SAMD3: variants seen among roughly 807,000 people sequenced by gnomAD.
SAMD3 encodes sterile alpha motif domain containing 3, also known as sterile alpha motif domain-containing protein 3.
Under a neutral mutation model 58.5 loss-of-function variants are expected in SAMD3, and 63 were observed. The observed-to-expected ratio is 1.08, with a 90% CI of 0.88 to 1.33. The LOEUF (loss-of-function observed/expected upper bound fraction) is 1.33. Ranked by LOEUF, SAMD3 falls within the 40% of genes most tolerant of loss-of-function variation. The pLI is 0.00. For synonymous variants in SAMD3, 220 were observed against 210.3 expected, an observed-to-expected ratio of 1.05 and a Z score of -0.40; for missense variants, 604 against 608.4, an observed-to-expected ratio of 0.99 and a Z score of 0.08.
At chr6:130,212,691 C>T (rs1440625849) in intron 4 of SAMD3, among the ~76,000 whole-genome samples, 1 of 152,174 alleles carries the variant, frequency 6.6e-6, no homozygotes, top group African/African-American at 2.4e-5. Flanking sequence ...CCAGCTAGTT[C>T]TCTTTTACTT....
At chr6:130,275,281 A>C (rs1206455123) in intron 2 of SAMD3, among the ~76,000 whole-genome samples, 2 of 152,106 alleles carry the variant, frequency 1.3e-5, no homozygotes, top group Non-Finnish European at 2.9e-5. Flanking sequence ...TTGCTTCTTG[A>C]ATCAGCCTGG....
chr6:130,313,276 G>A (rs889462679), intron 1 of SAMD3, among the ~76,000 whole-genome samples: 2 of 152,114 alleles, frequency 1.3e-5, no homozygotes, highest in Non-Finnish European at 2.9e-5. Context: ...TTTTGTGCTG[G>A]GTAATTTGTT....
upstream of SAMD3, among the ~76,000 whole-genome samples, chr6:130,223,616 A>C (rs4897379): frequency 0.26 from 39,669 of 152,026 alleles, 7,032 homozygotes; most frequent in African/African-American, 0.5. Context: ...GAAGAAGGGG[A>C]TGCAAGGTAG....
chr6:130,207,141 T>C (rs1582924756), intron 5 of SAMD3, among the ~76,000 whole-genome samples: 1 of 125,230 alleles, frequency 8.0e-6, no homozygotes, highest in African/African-American at 3.2e-5. Context: ...AGAGAGATGG[T>C]GATAGACCCC....
intron 1 of SAMD3, among the ~76,000 whole-genome samples, chr6:130,218,509 A>G (rs781687445): frequency 5.9e-5 from 9 of 152,234 alleles, no homozygotes; most frequent in Non-Finnish European, 1.2e-4. Context: ...TATTCAACTC[A>G]AATAATTTGC....
Position 130,259,910 on chromosome 6 carries a change from G to C in SAMD3, c.-187-37097C>G, listed in dbSNP as rs142556462. Among the ~76,000 whole-genome samples, 376 of 152,158 alleles carry C rather than the reference G, an allele frequency of 2.5e-3. 1 individual carries two copies. The highest frequency in any genetic ancestry group is 8.7e-3 in the African/African-American group (363 of 41,514). ...TTTTGTTTTACTTGTGCTCATTTGTGTGCTGCATTTAGTTCTCTGCAATTT... is the reference window on the plus strand; with the variant it reads ...TTTTGTTTTACTTGTGCTCATTTGTCTGCTGCATTTAGTTCTCTGCAATTT... On this transcript the variant is annotated intron_variant, in intron 2 of 13. Transcript: ENST00000368134.
At chr6:130,189,280 C>A (rs1008964625) in intron 5 of SAMD3, among the ~76,000 whole-genome samples, 1 of 151,836 alleles carries the variant, frequency 6.6e-6, no homozygotes, top group Admixed American at 6.6e-5. Flanking sequence ...CCTGAGATGA[C>A]GGGATTGGTA....
At chr6:130,326,278 G>A (rs1230463657) in intron 1 of SAMD3, among the ~76,000 whole-genome samples, 1 of 151,304 alleles carries the variant, frequency 6.6e-6, no homozygotes, top group Non-Finnish European at 1.5e-5. Flanking sequence ...AAATACTACT[G>A]AGCTGATTAT....
chr6:130,162,911 A>G (rs1018034473), intron 8 of SAMD3, among the ~76,000 whole-genome samples: 1 of 152,110 alleles, frequency 6.6e-6, no homozygotes, highest in Non-Finnish European at 1.5e-5. Context: ...GCCCAAATTG[A>G]TATTTCTAAT....
chr6:130,270,039 A>G (rs1327154250), intron 2 of SAMD3, among the ~76,000 whole-genome samples: 1 of 152,114 alleles, frequency 6.6e-6, no homozygotes, highest in African/African-American at 2.4e-5. Context: ...CAAACTCTGC[A>G]TGATTTCAAC....
intron 2 of SAMD3, among the ~76,000 whole-genome samples, chr6:130,304,711 C>T (rs540300707): frequency 3.7e-4 from 56 of 151,694 alleles, no homozygotes; most frequent in Middle Eastern, 3.2e-3. Context: ...AAAATTATGC[C>T]GAAATTTTAA....
intron 1 of SAMD3, among the ~76,000 whole-genome samples, chr6:130,345,114 T>A (rs868804261): frequency 2.0e-5 from 3 of 152,204 alleles, no homozygotes; most frequent in African/African-American, 4.8e-5. Context: ...ATACTTAATA[T>A]GTCTTTAATA....
chr6:130,199,982 T>G (rs1477345813), intron 5 of SAMD3, among the ~76,000 whole-genome samples: 2 of 152,118 alleles, frequency 1.3e-5, no homozygotes, highest in East Asian at 1.9e-4. Context: ...GTGACCAGCA[T>G]CAGGCACCAT....
intron 8 of SAMD3, among the ~76,000 whole-genome samples, chr6:130,171,134 AG>A (rs1258771128): frequency 6.6e-6 from 1 of 152,176 alleles, no homozygotes; most frequent in Admixed American, 6.5e-5. Context: ...GGTTATTGAG[AG>A]TTTTTAGCAT....
chr6:130,338,531 CAGGCACTCA>C (rs1239108585), intron 1 of SAMD3, among the ~76,000 whole-genome samples: 2 of 152,204 alleles, frequency 1.3e-5, no homozygotes, highest in Non-Finnish European at 2.9e-5. Flanking sequence ...GGAAAAGTCA[CAGGCACTCA>C]ATGCCAGCCC....
chr6:130,347,385 A>C (rs1777489301), intron 1 of SAMD3, among the ~76,000 whole-genome samples: 1 of 152,222 alleles, frequency 6.6e-6, no homozygotes, highest in Non-Finnish European at 1.5e-5. Flanking sequence ...TCCTTAAAGG[A>C]CCTGATGGAG....
At chr6:130,202,661 T>C (rs1794745040) in intron 5 of SAMD3, among the ~76,000 whole-genome samples, 1 of 152,226 alleles carries the variant, frequency 6.6e-6, no homozygotes, top group African/African-American at 2.4e-5. Context: ...TGGGATTTTT[T>C]GTTTGTTTTA....
rs373017953 is a variant in SAMD3, at chr6:130,313,375, A to G, written c.-303-282T>C. ...TGGCTACCCCCAACAGCCCCGATCC[A>G]TACACCAGGTGTGTGAAACAAACAT... On this transcript the variant is annotated intron_variant, in intron 1 of 13. Coordinates refer to the SAMD3 transcript ENST00000368134. Among the ~76,000 whole-genome samples the G allele has an allele frequency of 2.0e-4, 31 of 152,308 alleles. 1 individual carries two copies. In the East Asian group the frequency reaches 4.2e-3, roughly 21 times the overall value.
intron 2 of SAMD3, among the ~76,000 whole-genome samples, chr6:130,240,581 C>T (rs1043563119): frequency 6.6e-5 from 10 of 152,146 alleles, no homozygotes; most frequent in Admixed American, 1.3e-4. Context: ...CCTCAAAAAT[C>T]GTGTGTTGGA....
Sources: allele counts gnomAD v4.1 joint callset (sites outside exome capture counted in the v4.1 genomes callset), GRCh38; gene constraint gnomAD v4.1.1; transcripts MANE v1.5; gene names NCBI Gene and HGNC (gene_info 2026-07-23, HGNC 2026-07-21).